Variants in STK25 observed in about 807,000 individuals in gnomAD.
The protein encoded by STK25 is serine/threonine-protein kinase 25.
Under a neutral mutation model 53.8 loss-of-function variants are expected in STK25, and 29 were observed. That is an observed-to-expected ratio of 0.54 (90% confidence interval 0.40 to 0.74). STK25 has a LOEUF of 0.74. STK25 is among the 30% of genes least tolerant of loss of function. The pLI is 0.00. For missense variants in STK25, 420 were observed against 568.0 expected (o/e 0.74, Z 2.65); for synonymous variants, 247 against 238.3 (o/e 1.04, Z -0.33).
rs1217619372 is a variant in STK25 at position 241,508,036 on chromosome 2, G to A, written c.-1C>T. ...TGGCAAATCCCCGGAGGTGAGCCAT[G>A]GCCGCGCCGCCTCAGACCCTCCGCC... On this transcript the variant is annotated 5_prime_UTR_variant, in exon 2 of 12. Transcript: ENST00000316586. 1.2e-6 allele frequency: 2 copies of A among 1,605,486 alleles called. No homozygotes were observed. Among genetic ancestry groups the A allele is most frequent in the African/African-American group, 1.3e-5 (1 of 74,736 alleles).
chr2:241,503,483 C>G (rs1027566222), intron 2 of STK25, among the ~76,000 whole-genome samples: 1 of 150,642 alleles, frequency 6.6e-6, no homozygotes, highest in Non-Finnish European at 1.5e-5. Context: ...GAGGCCGAGG[C>G]GGGCAGATCA....
intron 2 of STK25, among the ~76,000 whole-genome samples, chr2:241,505,255 C>T (rs1023953406): frequency 7.9e-5 from 12 of 152,142 alleles, no homozygotes; most frequent in Admixed American, 2.0e-4. Context: ...AGCCCATCAA[C>T]GCTTACTCGG....
At chr2:241,506,160 G>A (rs1305650420) in intron 2 of STK25, among the ~76,000 whole-genome samples, 1 of 152,242 alleles carries the variant, frequency 6.6e-6, no homozygotes, top group Non-Finnish European at 1.5e-5. Flanking sequence ...TGGGGGGAAC[G>A]CGCCCCACTC....
chr2:241,504,751 G>A (rs2065720771), intron 2 of STK25, among the ~76,000 whole-genome samples: 1 of 152,014 alleles, frequency 6.6e-6, no homozygotes, highest in African/African-American at 2.4e-5. Flanking sequence ...TCAGCCCACT[G>A]GCTGTCATAG....
chr2:241,501,215 C>G lies in STK25; in HGVS notation c.261+263G>C, dbSNP rs989400564. 14 of 569,284 alleles carry G rather than the reference C, an allele frequency of 2.5e-5. No individual in the cohort carries two copies. The highest frequency in any genetic ancestry group is 3.8e-5 in the Non-Finnish European group (12 of 315,828). 35.3% of individuals were successfully genotyped at this position (569,284 alleles called of 1,614,324 possible). On this transcript the variant is annotated intron_variant, in intron 3 of 11. Transcript: ENST00000316586. The surrounding 1 kb of genome is among the most constrained non-coding windows in gnomAD (Gnocchi z 5.3). The stretch of plus-strand genomic sequence containing the variant: ...CTCCTCACAGGCCCACTCACCACTG[C>G]CAGTAGGGGCCCCCCAGAGTGCTCC...
At chr2:241,507,253 A>T (rs62190459) in intron 2 of STK25, among the ~76,000 whole-genome samples, 31,001 of 151,996 alleles carry the variant, frequency 0.2, 3,932 homozygotes, top group African/African-American at 0.32. Flanking sequence ...AGGTTGGCTG[A>T]CCCCACCCTC....
At position 241,508,444 on chromosome 2, in the gene STK25, T is replaced by C; in HGVS notation, c.-102A>G. ...CGCCCCGCCCGGCAGCGCGCCCACC[T>C]CCGCGGGGCTCCATCCCGGCCTCCC... On this transcript the variant is annotated splice_region_variant and 5_prime_UTR_variant, in exon 1 of 12. Coordinates refer to ENST00000316586, the MANE Select transcript of STK25 (RefSeq NM_001271977.2). 1 of 1,069,036 alleles carries C rather than the reference T, an allele frequency of 9.4e-7. No individual in the cohort carries two copies. The highest frequency in any genetic ancestry group is 1.1e-6 in the Non-Finnish European group (1 of 881,706). The allele number at this position is 1,069,036 out of a possible 1,614,324, so 66.2% of individuals were successfully genotyped here.
At chr2:241,504,773 G>A (rs2065722807) in intron 2 of STK25, among the ~76,000 whole-genome samples, 1 of 152,116 alleles carries the variant, frequency 6.6e-6, no homozygotes, top group Non-Finnish European at 1.5e-5. Context: ...TAAGCAGTCA[G>A]TGTTAAAATA....
intron 2 of STK25, among the ~76,000 whole-genome samples, chr2:241,503,563 A>G (rs1469741108): frequency 1.3e-5 from 2 of 151,578 alleles, no homozygotes; most frequent in African/African-American, 4.8e-5. Flanking sequence ...AATACAAAAA[A>G]TTAGCCGGGT....
At position 241,493,347 on chromosome 2, in the gene STK25, A is replaced by C; in HGVS notation, c.*2315T>G. The C allele has an allele frequency of 6.2e-7, 1 of 1,613,998 alleles. No individual in the cohort carries two copies. The highest frequency in any genetic ancestry group is 8.5e-7 in the Non-Finnish European group (1 of 1,179,984). Reference sequence around the variant, plus strand: ...GCTGGGCTACAGCGTGAGCATCCCCAGGGAGGCCGATGGCATACACAAAGA... The same window carrying C: ...GCTGGGCTACAGCGTGAGCATCCCCCGGGAGGCCGATGGCATACACAAAGA... On this transcript the variant is annotated 3_prime_UTR_variant, in exon 12 of 12. Coordinates refer to ENST00000316586, the MANE Select transcript of STK25 (RefSeq NM_001271977.2).
upstream of STK25, chr2:241,509,197 C>T (rs923217546): frequency 2.6e-5 from 4 of 152,450 alleles, no homozygotes; most frequent in Non-Finnish European, 4.4e-5. Flanking sequence ...CGAGTTGCTT[C>T]GCCTCTCCTG....
chr2:241,501,054 G>C lies in STK25; in HGVS notation c.262-258C>G. On this transcript the variant is annotated intron_variant, in intron 3 of 11. Transcript: ENST00000316586. This position sits in a 1 kb window ranked among gnomAD's most constrained non-coding sequence, Gnocchi z 5.3. ...TTCACCAAGACCCCATCAAAAACCA[G>C]GCTGCTGATCCAGTCCTACAGGGCT... 1 of 578,314 alleles carries C rather than the reference G, an allele frequency of 1.7e-6. No individual in the cohort carries two copies. The highest frequency in any genetic ancestry group is 3.1e-6 in the Non-Finnish European group (1 of 324,188). 35.8% of individuals were successfully genotyped at this position (578,314 alleles called of 1,614,324 possible). A position where few individuals can be genotyped will look rare whatever the true frequency, so the allele number is the denominator to read the frequency against.
intron 2 of STK25, among the ~76,000 whole-genome samples, chr2:241,505,061 C>T (rs1239381610): frequency 6.6e-6 from 1 of 150,938 alleles, no homozygotes; most frequent in Non-Finnish European, 1.5e-5. Flanking sequence ...GACTTACAGG[C>T]ACCCGCCATC....
chr2:241,497,824 C>T, intron 9 of STK25, 137 bp from the exon 10 acceptor site: 1 of 832,204 alleles, frequency 1.2e-6, no homozygotes, highest in Non-Finnish European at 1.9e-6. Context: ...AGGGCCGGCC[C>T]CAAAACCATC....
At chr2:241,500,112 G>A in intron 5 of STK25, 61 bp downstream of exon 5, 2 of 1,456,248 alleles carry the variant, frequency 1.4e-6, no homozygotes, top group Non-Finnish European at 1.9e-6. Flanking sequence ...ACAGGCCCCG[G>A]CCTCTCTAAG....
In STK25 at chr2:241,500,127, G is replaced by C. The variant is rs768850199; in HGVS notation, c.427+46C>G. ...ACAGGCCCCGGCCTCTCTAAGGTCA[G>C]TGGGGCTCAGGACGTTACAAGAGCC... is the stretch of plus-strand genomic sequence containing the variant. On this transcript the variant is annotated intron_variant, in intron 5 of 11. Coordinates refer to ENST00000316586, the MANE Select transcript of STK25 (RefSeq NM_001271977.2). 26 of 1,537,326 alleles carry C rather than the reference G, an allele frequency of 1.7e-5. 1 individual carries two copies. The South Asian group carries it at 2.9e-4, about 17-fold the overall frequency.
At chr2:241,497,932 A>T in intron 9 of STK25, among the ~76,000 whole-genome samples, 1 of 125,036 alleles carries the variant, frequency 8.0e-6, no homozygotes, top group Admixed American at 1.0e-4. Context: ...AGGGCCTGTG[A>T]CTCCCACCCT....
intron 11 of STK25, 108 bp from the exon 12 acceptor site, chr2:241,495,809 C>T (rs945394939): frequency 8.7e-7 from 1 of 1,149,738 alleles, no homozygotes; most frequent in Non-Finnish European, 1.3e-6. Context: ...GCCACCGCAC[C>T]ACGTGGGTCT....
intron 9 of STK25, among the ~76,000 whole-genome samples, chr2:241,498,006 C>T (rs1409454900): frequency 6.6e-6 from 1 of 151,890 alleles, no homozygotes; most frequent in Non-Finnish European, 1.5e-5. Flanking sequence ...TGACTCCCAC[C>T]CTCTCCTCAC....
Sources: allele counts gnomAD v4.1 joint callset (sites outside exome capture counted in the v4.1 genomes callset), GRCh38; gene constraint gnomAD v4.1.1; non-coding constraint Gnocchi (gnomAD v3.1); transcripts MANE v1.5; gene names NCBI Gene and HGNC (gene_info 2026-07-23, HGNC 2026-07-21).